Variants in MYO6 observed in about 807,000 individuals in gnomAD.
MYO6 encodes unconventional myosin-VI.
MYO6 carries 74 observed loss-of-function variants against 178.7 expected under a neutral mutation model. That is an observed-to-expected ratio of 0.41 (90% CI 0.34 to 0.50). The LOEUF is 0.50. MYO6 is among the 20% of genes least tolerant of loss of function. MYO6 has a pLI of 0.09. For synonymous variants in MYO6, 477 were observed against 504.6 expected, an observed-to-expected ratio of 0.95 and a Z score of 0.73; for missense variants, 1,330 against 1,547.4, an observed-to-expected ratio of 0.86 and a Z score of 2.36.
intron 1 of MYO6, among the ~76,000 whole-genome samples, chr6:75,758,606 T>G (rs937337875): frequency 3.3e-5 from 5 of 150,888 alleles, no homozygotes; most frequent in Admixed American, 6.6e-5. Context: ...GACTACAGGC[T>G]CCCGCCACCA....
At chr6:75,814,688 C>T (rs1368633855) in intron 1 of MYO6, among the ~76,000 whole-genome samples, 1 of 151,728 alleles carries the variant, frequency 6.6e-6, no homozygotes, top group East Asian at 1.9e-4. Context: ...ACAGTGAGAC[C>T]CTGTATATAA....
intron 30 of MYO6, among the ~76,000 whole-genome samples, chr6:75,902,016 CT>C (rs1346904923): frequency 2.6e-5 from 4 of 152,168 alleles, no homozygotes; most frequent in Non-Finnish European, 5.9e-5. Context: ...TGTTTATATG[CT>C]GGCTTACATT....
rs746313492 is a variant in MYO6 at position 75,907,585 on chromosome 6, A to C, written c.3177-20A>C. 14 of 1,584,052 alleles carry C rather than the reference A, an allele frequency of 8.8e-6. No individual in the cohort carries two copies. The highest frequency in any genetic ancestry group is 1.1e-5 in the Non-Finnish European group (13 of 1,153,340). ...TTCATGTTTCTGGTTTAAACATGCA[A>C]AAATGTGTAATAATTACAGAGGTCC... On this transcript the variant is annotated intron_variant, in intron 30 of 34. Transcript: ENST00000369977.
At chr6:75,895,661 G>A (rs1193193854) in intron 29 of MYO6, among the ~76,000 whole-genome samples, 1 of 151,868 alleles carries the variant, frequency 6.6e-6, no homozygotes, top group African/African-American at 2.4e-5. Context: ...GGGACTACAG[G>A]CACGCACCAC....
At chr6:75,778,926 G>A (rs1490445660) in intron 1 of MYO6, among the ~76,000 whole-genome samples, 2 of 151,680 alleles carry the variant, frequency 1.3e-5, no homozygotes, top group South Asian at 2.1e-4. Context: ...GTATGGTGGT[G>A]CATGCCTGTA....
intron 5 of MYO6, 87 bp downstream of exon 5, chr6:75,830,632 A>G: frequency 7.8e-7 from 1 of 1,277,536 alleles, no homozygotes; most frequent in East Asian, 2.5e-5. Context: ...AATAAAAGAT[A>G]CCATAAATTG....
At chr6:75,761,940 T>A (rs1011288916) in intron 1 of MYO6, among the ~76,000 whole-genome samples, 1 of 152,020 alleles carries the variant, frequency 6.6e-6, no homozygotes, top group Admixed American at 6.6e-5. Flanking sequence ...AGTTCTTTTT[T>A]TTTTTTTTTA....
intron 28 of MYO6, chr6:75,894,723 C>A: frequency 1.3e-6 from 1 of 767,890 alleles, no homozygotes; most frequent in Non-Finnish European, 1.9e-6. Context: ...TAATCTATAG[C>A]ATGATGTTGT....
chr6:75,790,899 GATTT>G (rs1457103206), intron 1 of MYO6, among the ~76,000 whole-genome samples: 1 of 152,014 alleles, frequency 6.6e-6, no homozygotes, highest in Non-Finnish European at 1.5e-5. Context: ...TTAATTGTGA[GATTT>G]ATTTTTTCCC....
chr6:75,835,506 A>C (rs1773551988), intron 6 of MYO6, among the ~76,000 whole-genome samples: 1 of 152,112 alleles, frequency 6.6e-6, no homozygotes. Flanking sequence ...GTTTTGGTTC[A>C]CTGCAACCTT....
At chr6:75,899,928 T>C (rs1779613597) in intron 30 of MYO6, among the ~76,000 whole-genome samples, 1 of 135,010 alleles carries the variant, frequency 7.4e-6, no homozygotes, top group Non-Finnish European at 1.6e-5. Context: ...ATGTTCCCCT[T>C]CCTGTGTCCA....
rs572420732 is a variant in MYO6 at position 75,782,337 on chromosome 6, T to C, written c.-48+32914T>C. 3.9e-5 allele frequency among the ~76,000 whole-genome samples: 6 copies of C among 152,260 alleles called. No homozygotes were observed. In the South Asian group the frequency reaches 1.2e-3, roughly 32 times the overall value. On this transcript the variant is annotated intron_variant, in intron 1 of 34. Coordinates refer to ENST00000369977, the MANE Select transcript of MYO6 (RefSeq NM_004999.4). ...ACCAAGATAAATTCTTACCTTACAC[T>C]GTCTTTTACTGTCTCTTACCCTTAT...
chr6:75,791,731 A>G (rs1474297860), intron 1 of MYO6, among the ~76,000 whole-genome samples: 3 of 152,228 alleles, frequency 2.0e-5, no homozygotes, highest in African/African-American at 4.8e-5. Context: ...ACAGTTTAAA[A>G]TTGTTACTAT....
chr6:75,836,056 C>G (rs1307577736), intron 7 of MYO6, 100 bp downstream of exon 7: 2 of 799,032 alleles, frequency 2.5e-6, no homozygotes, highest in Non-Finnish European at 4.5e-6. Flanking sequence ...GCAAAAGACT[C>G]TCTTATCTCC....
At chr6:75,873,476 C>T (rs758750356) in intron 20 of MYO6, among the ~76,000 whole-genome samples, 176 bp downstream of exon 20, 26 of 152,168 alleles carry the variant, frequency 1.7e-4, no homozygotes, top group Non-Finnish European at 1.6e-4. Context: ...TGGTGGTGTA[C>T]ACCTGTAGTC....
At chr6:75,875,278 T>A (rs1180577775) in intron 20 of MYO6, among the ~76,000 whole-genome samples, 1 of 152,066 alleles carries the variant, frequency 6.6e-6, no homozygotes, top group Admixed American at 6.5e-5. Flanking sequence ...AATTAAAAAT[T>A]TTTTTTTGGT....
rs1403070736 is a variant in MYO6, at chr6:75,900,305, T to C, written c.3176+1894T>C. The stretch of plus-strand genomic sequence containing the variant: ...TTCTAGTTCTAGATCCCTGAGGAAT[T>C]GCCACACTGACTTCCACAATGGTTG... On this transcript the variant is annotated intron_variant, in intron 30 of 34. Transcript: ENST00000369977. Among the ~76,000 whole-genome samples the C allele has an allele frequency of 4.7e-3, 719 of 151,830 alleles. 6 individuals carry two copies. Among genetic ancestry groups the C allele is most frequent in the African/African-American group, 0.015 (634 of 41,180 alleles).
chr6:75,857,389 C>A, intron 13 of MYO6, 135 bp downstream of exon 13: 1 of 883,746 alleles, frequency 1.1e-6, no homozygotes, highest in Non-Finnish European at 1.8e-6. Flanking sequence ...ACTCACATTT[C>A]ATAATATGAC....
At position 75,892,806 on chromosome 6, in the gene MYO6, T is replaced by C. The variant is rs1421505930; in HGVS notation, c.3107+116T>C. The C allele has an allele frequency of 4.8e-6, 5 of 1,048,758 alleles. No homozygotes were observed. In the East Asian group the frequency reaches 7.8e-5, roughly 16 times the overall value. 65.0% of individuals were successfully genotyped at this position (1,048,758 alleles called of 1,614,324 possible). ...AAATAATATTCTGAAGGCCCTGATATATTTGAGCTAAAATAATTTTAAAAT... is the reference window on the plus strand; with the variant it reads ...AAATAATATTCTGAAGGCCCTGATACATTTGAGCTAAAATAATTTTAAAAT... On this transcript the variant is annotated intron_variant, in intron 28 of 34. Transcript: ENST00000369977.
Sources: allele counts gnomAD v4.1 joint callset (sites outside exome capture counted in the v4.1 genomes callset), GRCh38; gene constraint gnomAD v4.1.1; transcripts MANE v1.5; gene names NCBI Gene and HGNC (gene_info 2026-07-23, HGNC 2026-07-21).